TTLL7: variants seen among roughly 807,000 people sequenced by gnomAD.
The protein encoded by TTLL7 is tubulin polyglutamylase TTLL7.
In TTLL7, 53 loss-of-function variants were observed where a neutral mutation model predicts 120.2. The ratio of observed to expected loss-of-function variants is 0.44; its 90% CI spans 0.35 to 0.55. The LOEUF is 0.55. Among genes scored for constraint, TTLL7 ranks in the 20% least tolerant of loss-of-function variants. The probability of loss-of-function intolerance (pLI) is 0.00; values close to 1 mark genes in which losing one functional copy is unlikely to be tolerated. For synonymous variants in TTLL7, 353 were observed against 351.7 expected (o/e 1.00, Z -0.04); for missense variants, 803 against 1,054.7 (o/e 0.76, Z 3.31).
In TTLL7 at chr1:83,930,945, A is replaced by C. The variant is rs532340133; in HGVS notation, c.1048-1715T>G. 6.6e-5 allele frequency among the ~76,000 whole-genome samples: 10 copies of C among 151,910 alleles called. No individual in the cohort carries two copies. The South Asian group carries it at 1.9e-3, about 28-fold the overall frequency. On this transcript the variant is annotated intron_variant, in intron 9 of 20. Coordinates refer to ENST00000260505, the MANE Select transcript of TTLL7 (RefSeq NM_024686.6). ...ACCCACACAAGATAAACTATTAATA[A>C]TATGTGGAAAGGCAGGAAACCTTTT...
chr1:83,955,720 C>T (rs914411507), intron 1 of TTLL7, among the ~76,000 whole-genome samples: 11 of 152,150 alleles, frequency 7.2e-5, no homozygotes, highest in African/African-American at 2.2e-4. Context: ...GTTAATAAAT[C>T]GGTTAATTAG....
intron 4 of TTLL7, 120 bp from the exon 5 acceptor site, chr1:83,948,815 C>A: frequency 3.1e-6 from 2 of 648,202 alleles, no homozygotes; most frequent in Non-Finnish European, 5.2e-6. Context: ...AATTATTAAT[C>A]TAAAAGATTT....
chr1:83,946,874 T>G (rs1648555203), intron 6 of TTLL7, among the ~76,000 whole-genome samples: 1 of 152,160 alleles, frequency 6.6e-6, no homozygotes, highest in Non-Finnish European at 1.5e-5. Flanking sequence ...CTTTTTCCCC[T>G]TATATTTTGT....
At chr1:83,967,674 C>A (rs1650595786) in intron 1 of TTLL7, among the ~76,000 whole-genome samples, 1 of 152,020 alleles carries the variant, frequency 6.6e-6, no homozygotes, top group African/African-American at 2.4e-5. Context: ...CCTTTTCACT[C>A]TAAAATTCTA....
chr1:83,970,494 T>C (rs1373751637), intron 1 of TTLL7, among the ~76,000 whole-genome samples: 1 of 152,110 alleles, frequency 6.6e-6, no homozygotes, highest in African/African-American at 2.4e-5. Context: ...CTAGAATCTT[T>C]TTTCCTAATC....
chr1:83,875,863 C>A (rs547016234), intron 20 of TTLL7, among the ~76,000 whole-genome samples: 52 of 151,966 alleles, frequency 3.4e-4, no homozygotes, highest in African/African-American at 1.2e-3. Context: ...GGGTTGCAAA[C>A]ACTTCCTTCC....
intron 13 of TTLL7, among the ~76,000 whole-genome samples, chr1:83,918,965 G>T (rs928351846): frequency 2.6e-5 from 4 of 152,012 alleles, no homozygotes; most frequent in Admixed American, 1.3e-4. Flanking sequence ...TATATTGAGA[G>T]GTCTGACTAC....
chr1:83,902,436 G>A (rs1656802550), intron 18 of TTLL7, among the ~76,000 whole-genome samples: 1 of 151,838 alleles, frequency 6.6e-6, no homozygotes, highest in Non-Finnish European at 1.5e-5. Flanking sequence ...TTATGATTGG[G>A]GTCATCGCTA....
chr1:83,940,144 G>A (rs1647810592), intron 7 of TTLL7, among the ~76,000 whole-genome samples: 2 of 151,932 alleles, frequency 1.3e-5, no homozygotes, highest in Admixed American at 1.3e-4. Context: ...GAGACCTAGA[G>A]GCCACATTTC....
intron 7 of TTLL7, among the ~76,000 whole-genome samples, chr1:83,939,117 C>T (rs965662246): frequency 6.6e-6 from 1 of 151,940 alleles, no homozygotes; most frequent in Non-Finnish European, 1.5e-5. Flanking sequence ...CTGGGCACTG[C>T]GGATACAAAG....
Position 83,907,612 on chromosome 1 carries a change from T to G in TTLL7, c.1836A>C (p.Ser612=), listed in dbSNP as rs758027250. The G allele has an allele frequency of 1.2e-4, 200 of 1,612,912 alleles. No homozygotes were observed. Among genetic ancestry groups the G allele is most frequent in the Non-Finnish European group, 1.6e-4 (194 of 1,179,500 alleles). Residue 612 remains serine, a synonymous_variant, in exon 16 of 21, where the codon TCA becomes TCC. Coordinates refer to ENST00000260505, the MANE Select transcript of TTLL7 (RefSeq NM_024686.6). ...VSCPRSISAQ[S]PSSGDTRPFS... ...ATGGGCGGGTGTCCCCACTGGAAGGTGATTGAGCAGAGATGGACCGAGGGC... is the reference window on the plus strand; with the variant it reads ...ATGGGCGGGTGTCCCCACTGGAAGGGGATTGAGCAGAGATGGACCGAGGGC...
rs761375555 is a variant in TTLL7, at chr1:83,999,095, G to A, written c.-341C>T. 2.0e-5 allele frequency: 9 copies of A among 443,264 alleles called. No homozygotes were observed. Among genetic ancestry groups the A allele is most frequent in the South Asian group, 1.1e-4 (7 of 62,536 alleles). The allele number at this position is 443,264 out of a possible 1,614,324, so 27.5% of individuals were successfully genotyped here. A position where few individuals can be genotyped will look rare whatever the true frequency, so the allele number is the denominator to read the frequency against. ...CCGCCCACCGCCCGTGGCAGCCACG[G>A]CTCGGGACTCCGGTGCTCGACGCGG... On this transcript the variant is annotated 5_prime_UTR_variant, in exon 1 of 21. Transcript: ENST00000260505.
At chr1:83,945,572 A>G (rs1258080573) in intron 6 of TTLL7, among the ~76,000 whole-genome samples, 1 of 152,210 alleles carries the variant, frequency 6.6e-6, no homozygotes, top group South Asian at 2.1e-4. Context: ...TAGCAAGGAA[A>G]CAGATACAAT....
intron 1 of TTLL7, among the ~76,000 whole-genome samples, chr1:83,984,854 C>T (rs1200758856): frequency 1.3e-5 from 2 of 152,018 alleles, no homozygotes; most frequent in East Asian, 3.9e-4. Flanking sequence ...TGGGACTATC[C>T]ATATTCCAAA....
intron 20 of TTLL7, among the ~76,000 whole-genome samples, chr1:83,876,902 G>A (rs1185876166): frequency 1.3e-5 from 2 of 151,718 alleles, no homozygotes; most frequent in Non-Finnish European, 2.9e-5. Flanking sequence ...TATTTCTTTT[G>A]TCTCATTAAA....
intron 20 of TTLL7, among the ~76,000 whole-genome samples, chr1:83,870,620 A>G (rs1653285870): frequency 6.6e-6 from 1 of 152,176 alleles, no homozygotes; most frequent in African/African-American, 2.4e-5. Context: ...CAGAATATCA[A>G]AAACAATCAG....
intron 18 of TTLL7, among the ~76,000 whole-genome samples, chr1:83,902,657 T>A (rs1340706103): frequency 6.6e-6 from 1 of 151,970 alleles, no homozygotes; most frequent in Admixed American, 6.6e-5. Flanking sequence ...GATTTCTACA[T>A]GTAGGAGTGG....
At chr1:83,954,006 T>G (rs1649294817) in intron 1 of TTLL7, among the ~76,000 whole-genome samples, 1 of 152,192 alleles carries the variant, frequency 6.6e-6, no homozygotes, top group Admixed American at 6.5e-5. Context: ...AAAGGAGTAG[T>G]GTAAAGTTTA....
chr1:83,972,702 G>A (rs1225546629), intron 1 of TTLL7, among the ~76,000 whole-genome samples: 1 of 152,094 alleles, frequency 6.6e-6, no homozygotes, highest in East Asian at 1.9e-4. Context: ...CAATGAATGA[G>A]AGCTCTTCTT....
Sources: gnomAD v4.1 joint callset for allele counts (sites outside exome capture counted in the v4.1 genomes callset) on GRCh38, gnomAD v4.1.1 for gene constraint, MANE v1.5 for transcripts, NCBI Gene and HGNC (gene_info 2026-07-23, HGNC 2026-07-21) for gene names.